Variants in AFF1 observed in about 807,000 individuals in gnomAD.
AFF1 encodes the protein ALF transcription elongation factor 1.
AFF1 carries 48 observed loss-of-function variants against 121.7 expected under a neutral mutation model. The observed-to-expected ratio is 0.39, with a 90% CI of 0.31 to 0.50. The LOEUF is 0.50. Ranked by LOEUF, AFF1 falls within the 20% of genes least tolerant of loss-of-function variation. The pLI is 0.76. For synonymous variants in AFF1, 613 were observed against 563.0 expected (o/e 1.09, Z -1.26); for missense variants, 1,523 against 1,511.7 (o/e 1.01, Z -0.12).
At chr4:86,976,141 T>C (rs1320078941) in intron 2 of AFF1, among the ~76,000 whole-genome samples, 1 of 152,170 alleles carries the variant, frequency 6.6e-6, no homozygotes, top group Non-Finnish European at 1.5e-5. Context: ...GAGTTTTTAT[T>C]GCCCTGCAGT....
At chr4:87,089,670 C>T (rs1468001982) in intron 5 of AFF1, among the ~76,000 whole-genome samples, 2 of 152,228 alleles carry the variant, frequency 1.3e-5, no homozygotes, top group East Asian at 3.9e-4. Flanking sequence ...CTTCACAGCT[C>T]CACAAGCTCT....
intron 20 of AFF1, among the ~76,000 whole-genome samples, chr4:87,135,196 G>T (rs1310946777): frequency 6.6e-6 from 1 of 152,216 alleles, no homozygotes; most frequent in Non-Finnish European, 1.5e-5. Context: ...GAAATGCAAG[G>T]TTCAGGAGAG....
At chr4:87,134,399 A>G in intron 19 of AFF1, 72 bp from the exon 20 acceptor site, 1 of 1,360,012 alleles carries the variant, frequency 7.4e-7, no homozygotes, top group Non-Finnish European at 1.0e-6. Flanking sequence ...GTAGTTCCAG[A>G]CACGTAAATC....
intron 2 of AFF1, among the ~76,000 whole-genome samples, chr4:86,990,898 T>A (rs1391343862): frequency 6.6e-6 from 1 of 152,214 alleles, no homozygotes; most frequent in African/African-American, 2.4e-5. Context: ...ACGCCTGTAA[T>A]CCCAGCACTT....
chr4:87,012,125 AAG>A (rs1046218249), intron 2 of AFF1, among the ~76,000 whole-genome samples: 1 of 152,110 alleles, frequency 6.6e-6, no homozygotes, highest in African/African-American at 2.4e-5. Context: ...TAATACCTGT[AAG>A]AGAGAGGAGT....
At chr4:86,946,242 G>A (rs1158780144) in intron 1 of AFF1, among the ~76,000 whole-genome samples, 1 of 152,074 alleles carries the variant, frequency 6.6e-6, no homozygotes, top group Non-Finnish European at 1.5e-5. Flanking sequence ...ACCCTACCTT[G>A]ATTCCTCTCT....
rs750918781 is a variant in AFF1 at position 87,046,265 on chromosome 4, C to G, written c.138C>G (p.Pro46=). The G allele has an allele frequency of 1.9e-6, 3 of 1,613,356 alleles. No homozygotes were observed. Among genetic ancestry groups the G allele is most frequent in the Non-Finnish European group, 2.5e-6 (3 of 1,179,878 alleles). The change falls in exon 3 of 21, where the codon CCC becomes CCG. Residue 46 remains proline, a synonymous_variant. Coordinates refer to ENST00000395146, the MANE Select transcript of AFF1 (RefSeq NM_001166693.3). ...AAGAGGCATTTCCTGAAAAGATTCC[C>G]CTTTTTGGAGAGCCCTACAAGGTAT... ...QEKEAFPEKI[P]LFGEPYKTAK...
chr4:87,013,794 A>G (rs886585794), intron 2 of AFF1, among the ~76,000 whole-genome samples: 1 of 152,038 alleles, frequency 6.6e-6, no homozygotes, highest in African/African-American at 2.4e-5. Flanking sequence ...ATTAGACACA[A>G]AAATCACCGT....
At chr4:87,049,763 G>A (rs1731092430) in intron 4 of AFF1, 1 of 456,192 alleles carries the variant, frequency 2.2e-6, no homozygotes, top group Non-Finnish European at 4.4e-6. Context: ...GGCGCTGTTG[G>A]TGAGTGGGAG....
chr4:86,960,025 A>T (rs1327659817), intron 2 of AFF1, among the ~76,000 whole-genome samples: 1 of 152,160 alleles, frequency 6.6e-6, no homozygotes, highest in Non-Finnish European at 1.5e-5. Flanking sequence ...TTCACATCAA[A>T]GTGTAAAAGA....
chr4:86,970,752 G>A (rs1722883841), intron 2 of AFF1, among the ~76,000 whole-genome samples: 1 of 152,198 alleles, frequency 6.6e-6, no homozygotes, highest in African/African-American at 2.4e-5. Flanking sequence ...TTCGAGCAGA[G>A]ACCTGAGGAA....
At chr4:87,049,099 G>A (rs895700599) in intron 4 of AFF1, among the ~76,000 whole-genome samples, 4 of 139,562 alleles carry the variant, frequency 2.9e-5, no homozygotes, top group Non-Finnish European at 6.1e-5. Flanking sequence ...AAAAAAAGGG[G>A]GGGGGGGGAC....
At position 87,139,851 on chromosome 4, in the gene AFF1, G is replaced by A. The variant is rs1729584894; in HGVS notation, c.*4150G>A. The A allele has an allele frequency of 4.5e-6, 1 of 224,612 alleles. No homozygotes were observed. The highest frequency in any genetic ancestry group is 8.9e-6 in the Non-Finnish European group (1 of 112,800). The allele number at this position is 224,612 out of a possible 1,614,324, so 13.9% of individuals were successfully genotyped here. ...TGTGTTGGTTTCTCGGTGACTTGGA[G>A]TGTTCATCTCTTCATGAATTGTGAG... On this transcript the variant is annotated 3_prime_UTR_variant, in exon 21 of 21. Coordinates refer to ENST00000395146, the MANE Select transcript of AFF1 (RefSeq NM_001166693.3).
At chr4:87,030,301 T>G (rs1290789543) in intron 2 of AFF1, among the ~76,000 whole-genome samples, 1 of 152,214 alleles carries the variant, frequency 6.6e-6, no homozygotes, top group Non-Finnish European at 1.5e-5. Context: ...AAAGCATCCA[T>G]AAACAATACG....
At chr4:87,048,595 A>G (rs995125522) in intron 4 of AFF1, among the ~76,000 whole-genome samples, 13 of 152,230 alleles carry the variant, frequency 8.5e-5, no homozygotes, top group Non-Finnish European at 1.9e-4. Context: ...GATATGTTTT[A>G]CATAATGCCA....
intron 4 of AFF1, among the ~76,000 whole-genome samples, chr4:87,065,825 C>G (rs543311087): frequency 6.6e-6 from 1 of 152,220 alleles, no homozygotes; most frequent in African/African-American, 2.4e-5. Context: ...TCTGTGCAAC[C>G]TCTCTGCCCC....
chr4:86,997,574 A>AT (rs1430905180), intron 2 of AFF1, among the ~76,000 whole-genome samples: 2 of 151,360 alleles, frequency 1.3e-5, no homozygotes, highest in African/African-American at 4.9e-5. Context: ...CATCCTGGCC[A>AT]ACACGGTGAA....
At chr4:86,978,177 CTTTTTTTTTTT>C (rs10676975) in intron 2 of AFF1, among the ~76,000 whole-genome samples, 9 of 39,324 alleles carry the variant, frequency 2.3e-4, no homozygotes, top group Admixed American at 5.3e-4. Context: ...ATTACATTCA[CTTTTTTTTTTT>C]TTTTTTTTTT....
At chr4:87,084,627 CCAAA>C (rs1435592673) in intron 5 of AFF1, among the ~76,000 whole-genome samples, 1 of 151,738 alleles carries the variant, frequency 6.6e-6, no homozygotes, top group Non-Finnish European at 1.5e-5. Context: ...GTTGTTGTTC[CCAAA>C]CCCCTTTTAA....
Sources: allele counts gnomAD v4.1 joint callset (sites outside exome capture counted in the v4.1 genomes callset), GRCh38; gene constraint gnomAD v4.1.1; transcripts MANE v1.5; gene names NCBI Gene and HGNC (gene_info 2026-07-23, HGNC 2026-07-21).